PAN3: variants seen among roughly 807,000 people sequenced by gnomAD.
PAN3 encodes the protein poly(A) specific ribonuclease subunit PAN3.
Under a neutral mutation model 96.2 loss-of-function variants are expected in PAN3, and 19 were observed. The ratio of observed to expected loss-of-function variants is 0.20; its 90% CI spans 0.14 to 0.29. The LOEUF (loss-of-function observed/expected upper bound fraction) is 0.29, where lower values mean the gene tolerates loss of function less well. PAN3 is among the 10% of genes least tolerant of loss of function. The probability of loss-of-function intolerance (pLI) is 1.00; values close to 1 mark genes in which losing one functional copy is unlikely to be tolerated. For synonymous variants in PAN3, 433 were observed against 406.6 expected, an observed-to-expected ratio of 1.06 and a Z score of -0.78; for missense variants, 882 against 1,108.1, an observed-to-expected ratio of 0.80 and a Z score of 2.90.
At position 28,177,871 on chromosome 13, in the gene PAN3, TAAC is replaced by T; in HGVS notation, c.628_630del (p.Thr210del). 6.2e-7 allele frequency: 1 copy of T among 1,612,760 alleles called. No homozygotes were observed. The highest frequency in any genetic ancestry group is 8.5e-7 in the Non-Finnish European group (1 of 1,178,990). ...TACGTAACTTACCTTTCAGATCCTC[TAAC>T]ATCACCTGCTTCATCCTTGTTTAAT... is the stretch of plus-strand genomic sequence containing the variant. On this transcript the variant is annotated inframe_deletion, in exon 4 of 19. Transcript: ENST00000380958.
chr13:28,212,750 T>G (rs543002797), intron 5 of PAN3, among the ~76,000 whole-genome samples: 1 of 152,188 alleles, frequency 6.6e-6, no homozygotes, highest in Non-Finnish European at 1.5e-5. Context: ...AAGAACAGTT[T>G]AGTGAACTTG....
chr13:28,286,423 TC>T (rs1470455886), intron 17 of PAN3, among the ~76,000 whole-genome samples: 1 of 152,202 alleles, frequency 6.6e-6, no homozygotes, highest in Non-Finnish European at 1.5e-5. Flanking sequence ...AGATGGGTTA[TC>T]TGTTTGCTGT....
chr13:28,201,464 TGAACCTGGGAGGTG>T (rs1878687988), intron 5 of PAN3, among the ~76,000 whole-genome samples: 1 of 152,112 alleles, frequency 6.6e-6, no homozygotes, highest in Admixed American at 6.5e-5. Flanking sequence ...GAGAATGGTG[TGAACCTGGGAGGTG>T]GAGCTTGCAG....
intron 1 of PAN3, among the ~76,000 whole-genome samples, chr13:28,143,413 C>T (rs1467527681): frequency 6.6e-6 from 1 of 152,148 alleles, no homozygotes; most frequent in South Asian, 2.1e-4. Flanking sequence ...TCAAAGTGTA[C>T]AATTTTTAAC....
At chr13:28,287,956 A>G (rs1869197842) in intron 17 of PAN3, 28 bp from the exon 18 acceptor site, 2 of 1,593,856 alleles carry the variant, frequency 1.3e-6, no homozygotes, top group African/African-American at 2.7e-5. Context: ...AGCATGAGTT[A>G]CTGAGGTAAA....
intron 4 of PAN3, among the ~76,000 whole-genome samples, chr13:28,179,239 TA>T (rs1454159047): frequency 6.6e-6 from 1 of 152,234 alleles, no homozygotes; most frequent in Non-Finnish European, 1.5e-5. Context: ...AGTGTAATAA[TA>T]GAGTTGGACA....
intron 14 of PAN3, among the ~76,000 whole-genome samples, chr13:28,274,286 G>T (rs866162460): frequency 1.3e-5 from 2 of 152,070 alleles, no homozygotes; most frequent in Middle Eastern, 3.4e-3. Flanking sequence ...CTTATACTTA[G>T]TGCCTAGGTA....
intron 18 of PAN3, among the ~76,000 whole-genome samples, chr13:28,291,920 C>G (rs1163950222): frequency 6.6e-6 from 1 of 152,126 alleles, no homozygotes; most frequent in Non-Finnish European, 1.5e-5. Flanking sequence ...TATAAAACCA[C>G]TTCTACTTTA....
intron 1 of PAN3, among the ~76,000 whole-genome samples, chr13:28,171,523 G>A (rs1298429347): frequency 6.6e-6 from 1 of 152,172 alleles, no homozygotes; most frequent in African/African-American, 2.4e-5. Flanking sequence ...GCTACAAATT[G>A]GGAGTTCCCA....
chr13:28,217,998 A>G (rs1352278634), intron 5 of PAN3, among the ~76,000 whole-genome samples: 2 of 152,030 alleles, frequency 1.3e-5, no homozygotes, highest in Admixed American at 1.3e-4. Context: ...CAGGTATTTC[A>G]TTTTAATGTG....
intron 1 of PAN3, among the ~76,000 whole-genome samples, chr13:28,157,568 T>C (rs1872355967): frequency 1.3e-5 from 2 of 152,038 alleles, no homozygotes; most frequent in Admixed American, 1.3e-4. Context: ...ACCAACAGCA[T>C]CCAAGCTGAG....
At chr13:28,192,156 G>A (rs999435799) in intron 4 of PAN3, among the ~76,000 whole-genome samples, 10 of 149,230 alleles carry the variant, frequency 6.7e-5, no homozygotes, top group East Asian at 2.0e-4. Context: ...TGCAGCCTCC[G>A]CCTCCTGGGT....
At position 28,251,447 on chromosome 13, in the gene PAN3, C is replaced by G. The variant is rs576744833; in HGVS notation, c.1001-4845C>G. On this transcript the variant is annotated intron_variant, in intron 6 of 18. Coordinates refer to ENST00000380958, the MANE Select transcript of PAN3 (RefSeq NM_175854.8). Reference sequence around the variant, plus strand: ...TCAGCAAGGTGTCTGAAGAGTTTTTCCAAAGCAGGTCGAGTATTGTGTTGA... The same window carrying G: ...TCAGCAAGGTGTCTGAAGAGTTTTTGCAAAGCAGGTCGAGTATTGTGTTGA... Among the ~76,000 whole-genome samples the G allele has an allele frequency of 4.6e-5, 7 of 152,322 alleles. No individual in the cohort carries two copies. In the Middle Eastern group the frequency reaches 0.01, roughly 222 times the overall value.
At chr13:28,205,198 C>T (rs1000663200) in intron 5 of PAN3, among the ~76,000 whole-genome samples, 1 of 151,952 alleles carries the variant, frequency 6.6e-6, no homozygotes, top group Non-Finnish European at 1.5e-5. Flanking sequence ...CTCTAGGCCA[C>T]AGGAAATGGG....
At chr13:28,282,705 C>A (rs549980518) in intron 17 of PAN3, among the ~76,000 whole-genome samples, 1 of 152,158 alleles carries the variant, frequency 6.6e-6, no homozygotes, top group East Asian at 1.9e-4. Flanking sequence ...TTTTCCCTCC[C>A]ACCTAGAGAA....
At chr13:28,275,545 T>C (rs1886986662) in intron 14 of PAN3, among the ~76,000 whole-genome samples, 1 of 152,198 alleles carries the variant, frequency 6.6e-6, no homozygotes, top group Non-Finnish European at 1.5e-5. Flanking sequence ...CTGGATACTT[T>C]GGATTGAATC....
intron 1 of PAN3, among the ~76,000 whole-genome samples, chr13:28,161,280 CCTT>C (rs1297984552): frequency 6.6e-6 from 1 of 152,052 alleles, no homozygotes; most frequent in Admixed American, 6.6e-5. Context: ...GGCTGGATTG[CCTT>C]CTTCTGAGGG....
intron 5 of PAN3, chr13:28,215,912 A>G: frequency 8.4e-7 from 1 of 1,192,470 alleles, no homozygotes; most frequent in Non-Finnish European, 1.2e-6. Context: ...TATCCCTAAT[A>G]CCTGCCACTC....
At chr13:28,196,420 C>T (rs1475858605) in intron 4 of PAN3, among the ~76,000 whole-genome samples, 1 of 151,998 alleles carries the variant, frequency 6.6e-6, no homozygotes, top group African/African-American at 2.4e-5. Flanking sequence ...TCCTGCTAAC[C>T]ACTATTAAGA....
Sources: allele counts gnomAD v4.1 joint callset (sites outside exome capture counted in the v4.1 genomes callset), GRCh38; gene constraint gnomAD v4.1.1; transcripts MANE v1.5; gene names NCBI Gene and HGNC (gene_info 2026-07-23, HGNC 2026-07-21).